The following COLEC10 variants were observed in gnomAD, a reference collection of about 807,000 sequenced individuals.
COLEC10 encodes collectin-10.
Under a neutral mutation model 28.4 loss-of-function variants are expected in COLEC10, and 22 were observed. The observed-to-expected ratio is 0.78, with a 90% CI of 0.55 to 1.11. The LOEUF (loss-of-function observed/expected upper bound fraction) is 1.11. Ranked by LOEUF, COLEC10 falls within the 50% of genes least tolerant of loss-of-function variation. The pLI is 0.00. For missense variants in COLEC10, 361 were observed against 344.1 expected (o/e 1.05, Z -0.39); for synonymous variants, 125 against 116.1 (o/e 1.08, Z -0.49).
chr8:119,058,395 C>T (rs1466437713), intron 2 of COLEC10, among the ~76,000 whole-genome samples: 1 of 151,982 alleles, frequency 6.6e-6, no homozygotes, highest in East Asian at 1.9e-4. Flanking sequence ...TCAACAGTCC[C>T]ATTGTGTCCA....
At chr8:118,983,652 C>A in the COLEC10 span, among the ~76,000 whole-genome samples, 9 of 152,076 alleles carry the variant, frequency 5.9e-5, no homozygotes, top group East Asian at 1.7e-3. Flanking sequence ...CAAAAAACAA[C>A]CCCATTAAAA....
upstream of COLEC10, among the ~76,000 whole-genome samples, chr8:118,993,494 A>G (rs983597623): frequency 6.6e-6 from 1 of 152,116 alleles, no homozygotes; most frequent in African/African-American, 2.4e-5. Context: ...AGCTGGGACT[A>G]CAGGTGCCCA....
intron 1 of COLEC10, among the ~76,000 whole-genome samples, chr8:119,083,259 T>C (rs1815402887): frequency 6.6e-6 from 1 of 152,232 alleles, no homozygotes; most frequent in African/African-American, 2.4e-5. Context: ...TCTCTCTTAA[T>C]GGTGTCAAAA....
intron 2 of COLEC10, among the ~76,000 whole-genome samples, chr8:119,026,551 G>GT (rs1465221779): frequency 1.3e-5 from 2 of 152,068 alleles, no homozygotes; most frequent in African/African-American, 4.8e-5. Context: ...AACAACCATG[G>GT]TTTTAGCTCT....
intron 1 of COLEC10, among the ~76,000 whole-genome samples, chr8:119,088,062 G>A (rs1018224329): frequency 2.6e-5 from 4 of 151,912 alleles, no homozygotes; most frequent in Admixed American, 2.6e-4. Context: ...AGGAGGTTAA[G>A]GCTGCAATGA....
At chr8:118,978,889 A>AT in the COLEC10 span, among the ~76,000 whole-genome samples, 5 of 152,060 alleles carry the variant, frequency 3.3e-5, no homozygotes, top group Non-Finnish European at 5.9e-5. Context: ...TCACTTAGGC[A>AT]TTTTTAAAAC....
the COLEC10 span, among the ~76,000 whole-genome samples, chr8:118,962,352 C>A: frequency 6.6e-5 from 10 of 152,162 alleles, no homozygotes; most frequent in African/African-American, 2.4e-4. Flanking sequence ...CACAGATAAA[C>A]GTCTAGTGTA....
At chr8:119,063,763 C>A (rs568553489), upstream of COLEC10, among the ~76,000 whole-genome samples, 1 of 149,186 alleles carries the variant, frequency 6.7e-6, no homozygotes, top group African/African-American at 2.5e-5. Context: ...AGAGGAATAA[C>A]GAGGCAAATA....
intron 2 of COLEC10, among the ~76,000 whole-genome samples, chr8:119,010,796 A>T (rs1813889313): frequency 6.6e-6 from 1 of 151,072 alleles, no homozygotes; most frequent in South Asian, 2.1e-4. Flanking sequence ...CCATCTGCGC[A>T]TCTTTAGTGA....
chr8:119,016,328 T>G (rs1244221352), intron 2 of COLEC10, among the ~76,000 whole-genome samples: 1 of 152,182 alleles, frequency 6.6e-6, no homozygotes, highest in African/African-American at 2.4e-5. Flanking sequence ...GCTTCCAGCT[T>G]CATCCACTTC....
chr8:119,048,725 G>A (rs963309656), intron 2 of COLEC10, among the ~76,000 whole-genome samples: 2 of 152,082 alleles, frequency 1.3e-5, no homozygotes, highest in Admixed American at 1.3e-4. Flanking sequence ...GGAGCCTGTG[G>A]GTGTTGTTAC....
intron 2 of COLEC10, among the ~76,000 whole-genome samples, chr8:119,050,920 T>C (rs1814662671): frequency 6.6e-6 from 1 of 152,226 alleles, no homozygotes; most frequent in Admixed American, 6.5e-5. Flanking sequence ...TAAAAAATTC[T>C]GCGAAGTCTT....
At chr8:118,987,171 T>C in the COLEC10 span, among the ~76,000 whole-genome samples, 1 of 151,970 alleles carries the variant, frequency 6.6e-6, no homozygotes, top group Admixed American at 6.6e-5. Context: ...AACCCACACC[T>C]CGATATATTG....
chr8:119,053,712 C>G (rs571110637), intron 2 of COLEC10, among the ~76,000 whole-genome samples: 25 of 151,882 alleles, frequency 1.6e-4, no homozygotes, highest in African/African-American at 2.4e-5. Context: ...CTAAAGATCT[C>G]TAATATGATA....
the COLEC10 span, among the ~76,000 whole-genome samples, chr8:118,953,967 A>G: frequency 6.6e-6 from 1 of 152,254 alleles, no homozygotes; most frequent in African/African-American, 2.4e-5. Context: ...TAAAAGATGT[A>G]AAACACTAAA....
At chr8:118,958,750 A>G in the COLEC10 span, among the ~76,000 whole-genome samples, 1 of 152,238 alleles carries the variant, frequency 6.6e-6, no homozygotes, top group Non-Finnish European at 1.5e-5. Context: ...TTGTTATATC[A>G]TCATTTGTCA....
intron 3 of COLEC10, among the ~76,000 whole-genome samples, chr8:119,099,139 T>A (rs1248355087): frequency 3.3e-5 from 5 of 152,114 alleles, no homozygotes; most frequent in Non-Finnish European, 7.4e-5. Context: ...TTTTTTTGTT[T>A]GTTTGTTTGA....
At chr8:118,971,456 C>A in the COLEC10 span, among the ~76,000 whole-genome samples, 38 of 151,930 alleles carry the variant, frequency 2.5e-4, no homozygotes, top group Non-Finnish European at 4.6e-4. Context: ...TAAACAATAG[C>A]TTATTAAATC....
the COLEC10 span, among the ~76,000 whole-genome samples, chr8:118,981,965 T>C: frequency 6.6e-6 from 1 of 151,822 alleles, no homozygotes; most frequent in Non-Finnish European, 1.5e-5. Flanking sequence ...ACATCTATTC[T>C]CCGTATGACT....
Sources: gnomAD v4.1 joint callset for allele counts (sites outside exome capture counted in the v4.1 genomes callset) on GRCh38, gnomAD v4.1.1 for gene constraint, MANE v1.5 for transcripts, NCBI Gene and HGNC (gene_info 2026-07-23, HGNC 2026-07-21) for gene names.